Variants in PUM2 observed in about 807,000 individuals in gnomAD.
PUM2 encodes the protein pumilio homolog 2.
Under a neutral mutation model 124.5 loss-of-function variants are expected in PUM2, and 57 were observed. The observed-to-expected ratio is 0.46, with a 90% confidence interval of 0.37 to 0.57. PUM2 has a LOEUF of 0.57. Ranked by LOEUF, PUM2 falls within the 20% of genes least tolerant of loss-of-function variation. PUM2 has a pLI of 0.00. For missense variants in PUM2, 1,065 were observed against 1,290.6 expected, an observed-to-expected ratio of 0.83 and a Z score of 2.68; for synonymous variants, 460 against 446.1, an observed-to-expected ratio of 1.03 and a Z score of -0.39.
At chr2:20,252,219 G>C (rs1185630515) in intron 20 of PUM2, among the ~76,000 whole-genome samples, 1 of 152,042 alleles carries the variant, frequency 6.6e-6, no homozygotes, top group South Asian at 2.1e-4. Context: ...AGTACTTTGG[G>C]ACCAGACTGG....
chr2:20,335,770 C>T (rs905189212), intron 1 of PUM2, among the ~76,000 whole-genome samples: 1 of 152,212 alleles, frequency 6.6e-6, no homozygotes, highest in African/African-American at 2.4e-5. Flanking sequence ...TACAGACTTA[C>T]AGAAGCCAAA....
chr2:20,264,367 A>AATATATATATATATATATATATATAT (rs1553362304), intron 13 of PUM2, among the ~76,000 whole-genome samples: 8 of 26,608 alleles, frequency 3.0e-4, no homozygotes, highest in Non-Finnish European at 3.5e-4. Flanking sequence ...AAAAAAAAAA[A>AATATATATATATATATATATATATAT]ATATATATAT....
intron 1 of PUM2, among the ~76,000 whole-genome samples, chr2:20,341,789 G>A (rs1687273552): frequency 1.3e-5 from 2 of 152,070 alleles, no homozygotes; most frequent in Admixed American, 6.6e-5. Context: ...ATTGTTACAT[G>A]CTATCAATTA....
intron 1 of PUM2, among the ~76,000 whole-genome samples, chr2:20,336,238 G>A (rs1406213166): frequency 6.6e-6 from 1 of 151,946 alleles, no homozygotes; most frequent in East Asian, 1.9e-4. Context: ...CCAGGATGGA[G>A]TGCAGTGGCA....
intron 1 of PUM2, among the ~76,000 whole-genome samples, chr2:20,349,054 G>C (rs1198900250): frequency 1.3e-5 from 2 of 152,238 alleles, no homozygotes; most frequent in Non-Finnish European, 2.9e-5. Context: ...TGACAGCTTT[G>C]TAAGAGCAAA....
At chr2:20,266,216 G>A (rs1667608697) in intron 13 of PUM2, among the ~76,000 whole-genome samples, 1 of 152,118 alleles carries the variant, frequency 6.6e-6, no homozygotes, top group Non-Finnish European at 1.5e-5. Context: ...GCTGAGGAAG[G>A]CACATAGCTC....
chr2:20,283,063 C>T lies in PUM2; in HGVS notation c.1604G>A (p.Ser535Asn). Residue 535 changes from serine to asparagine, a missense_variant, in exon 12 of 21, where the codon AGT (serine) becomes AAT (asparagine). Around this residue, in one of 3 missense-constraint regions of PUM2, gnomAD observed 968 missense variants for 1,159.8 expected, o/e 0.83. Transcript: ENST00000361078. The part of the protein sequence containing the change: ...GSSSLTNSSQ[S>N]SSLFSHGPGQ... ...AGGTCCATGAGAAAATAAAGAACTACTCTGGGAGCTATTAGTCAAAGAACT... is the reference window on the plus strand; with the variant it reads ...AGGTCCATGAGAAAATAAAGAACTATTCTGGGAGCTATTAGTCAAAGAACT... 1 of 1,614,054 alleles carries T rather than the reference C, an allele frequency of 6.2e-7. No individual in the cohort carries two copies. The highest frequency in any genetic ancestry group is 1.1e-5 in the South Asian group (1 of 91,078).
intron 16 of PUM2, among the ~76,000 whole-genome samples, chr2:20,256,761 T>C (rs1011141786): frequency 3.3e-5 from 5 of 152,086 alleles, no homozygotes; most frequent in African/African-American, 1.2e-4. Flanking sequence ...ATAAAGTGCT[T>C]ATAGCCAGAT....
intron 9 of PUM2, among the ~76,000 whole-genome samples, chr2:20,292,931 A>AAAAACAAAAC (rs545072826): frequency 4.6e-5 from 7 of 152,118 alleles, no homozygotes; most frequent in African/African-American, 1.7e-4. Flanking sequence ...CCATCTCAAA[A>AAAAACAAAAC]AAAACAAAAC....
intron 15 of PUM2, among the ~76,000 whole-genome samples, chr2:20,259,007 G>C (rs550068202): frequency 6.6e-6 from 1 of 152,008 alleles, no homozygotes; most frequent in Non-Finnish European, 1.5e-5. Flanking sequence ...TTAGCCATAC[G>C]TTGACCACCA....
At chr2:20,310,976 CCTATTTG>C (rs1265361812) in intron 5 of PUM2, among the ~76,000 whole-genome samples, 1 of 151,912 alleles carries the variant, frequency 6.6e-6, no homozygotes, top group Admixed American at 6.6e-5. Context: ...TAATATGTTC[CCTATTTG>C]CTATTTGCAG....
At chr2:20,303,757 T>C (rs928033984) in intron 7 of PUM2, among the ~76,000 whole-genome samples, 2 of 152,202 alleles carry the variant, frequency 1.3e-5, no homozygotes, top group Non-Finnish European at 2.9e-5. Flanking sequence ...CATTTAGCGG[T>C]AGGTGATAGC....
chr2:20,328,194 G>T lies in PUM2; in HGVS notation c.-18-816C>A, dbSNP rs542322188. On this transcript the variant is annotated intron_variant, in intron 1 of 20. Transcript: ENST00000361078. The stretch of plus-strand genomic sequence containing the variant: ...ACCAAAAATACAAAAAAATTAGCTG[G>T]GTGCGGTGGCACGCGTTTGTAGTCC... 2.0e-5 allele frequency among the ~76,000 whole-genome samples: 3 copies of T among 152,114 alleles called. No homozygotes were observed. The South Asian group carries it at 6.2e-4, about 32-fold the overall frequency.
At position 20,327,315 on chromosome 2, in the gene PUM2, C is replaced by T. The variant is rs199885336; in HGVS notation, c.46G>A (p.Gly16Arg). ...TAGTATTTGCAAACATTTACCTCTC[C>T]CATTCCCCGAGATTCTAATGCAAGA... ...QALALESRGM[G>R]ELLPTKKFWE... Residue 16 changes from glycine to arginine, a missense_variant, in exon 2 of 21, where the codon GGA (glycine) becomes AGA (arginine). Gly to Arg is a moderately radical substitution (Grantham distance 125). This residue lies in a region of PUM2 where 90 missense variants were observed against 103.6 expected (regional missense o/e 0.87). Transcript: ENST00000361078. 1.3e-6 allele frequency: 2 copies of T among 1,553,628 alleles called. No homozygotes were observed. The highest frequency in any genetic ancestry group is 1.8e-6 in the Non-Finnish European group (2 of 1,126,664).
intron 16 of PUM2, among the ~76,000 whole-genome samples, chr2:20,257,307 A>C (rs1665053937): frequency 6.6e-6 from 1 of 152,116 alleles, no homozygotes; most frequent in East Asian, 1.9e-4. Context: ...GTATTTTCTC[A>C]CAGATTTTAA....
At chr2:20,261,930 A>C (rs975437513) in intron 14 of PUM2, among the ~76,000 whole-genome samples, 13 of 152,182 alleles carry the variant, frequency 8.5e-5, no homozygotes, top group Admixed American at 3.3e-4. Context: ...TGTCTCTACA[A>C]AAAAATTTTA....
At chr2:20,260,266 T>A in intron 15 of PUM2, 71 bp downstream of exon 15, 1 of 1,404,876 alleles carries the variant, frequency 7.1e-7, no homozygotes, top group East Asian at 2.4e-5. Context: ...TACCCAACTT[T>A]CAGAGCTTTT....
At position 20,308,634 on chromosome 2, in the gene PUM2, T is replaced by C. The variant is rs770002336; in HGVS notation, c.519-50A>G. 8.7e-6 allele frequency: 13 copies of C among 1,498,148 alleles called. No homozygotes were observed. In the East Asian group the frequency reaches 9.1e-5, roughly 10 times the overall value. 92.8% of individuals were successfully genotyped at this position (1,498,148 alleles called of 1,614,324 possible). ...TTATGAATAAAAGTAACAAGTCAAA[T>C]AGCGAAATGGGAAAATAGAAAAATC... On this transcript the variant is annotated intron_variant, in intron 5 of 20. Coordinates refer to ENST00000361078, the MANE Select transcript of PUM2 (RefSeq NM_015317.5).
chr2:20,266,696 G>C (rs898368219), intron 13 of PUM2, among the ~76,000 whole-genome samples: 1 of 152,096 alleles, frequency 6.6e-6, no homozygotes, highest in Admixed American at 6.6e-5. Flanking sequence ...TCTGGAGATT[G>C]AGACATTCTA....
Sources: allele counts gnomAD v4.1 joint callset (sites outside exome capture counted in the v4.1 genomes callset), GRCh38; gene constraint gnomAD v4.1.1; regional missense constraint gnomAD v4.1.1; transcripts MANE v1.5; gene names NCBI Gene and HGNC (gene_info 2026-07-23, HGNC 2026-07-21).